Variants in LRRC28 observed in about 807,000 individuals in gnomAD.
LRRC28 encodes leucine rich repeat containing 28.
LRRC28 carries 39 observed loss-of-function variants against 45.7 expected under a neutral mutation model. The ratio of observed to expected loss-of-function variants is 0.85; its 90% confidence interval spans 0.66 to 1.12. The LOEUF (loss-of-function observed/expected upper bound fraction) is 1.12. LRRC28 is among the 50% of genes most tolerant of loss of function. The pLI is 0.00. For missense variants in LRRC28, 435 were observed against 438.5 expected, an observed-to-expected ratio of 0.99 and a Z score of 0.07; for synonymous variants, 206 against 178.8, an observed-to-expected ratio of 1.15 and a Z score of -1.22.
chr15:99,261,664 AT>A lies in LRRC28; in HGVS notation c.168+5550del, dbSNP rs570678627. Among the ~76,000 whole-genome samples, 224 of 147,080 alleles carry A rather than the reference AT, an allele frequency of 1.5e-3. 4 individuals carry two copies. Among genetic ancestry groups the A allele is most frequent in the African/African-American group, 4.7e-3 (188 of 40,162 alleles). ...AATTTTAATCTTAATTTTAATTTTA[AT>A]TTTTTTTTTTAGATGGAGTTTCACT... On this transcript the variant is annotated intron_variant, in intron 2 of 9. Coordinates refer to ENST00000301981, the MANE Select transcript of LRRC28 (RefSeq NM_144598.5).
chr15:99,260,642 C>A (rs6598230), intron 2 of LRRC28, among the ~76,000 whole-genome samples: 96,478 of 152,022 alleles, frequency 0.63, 30,659 homozygotes, highest in Middle Eastern at 0.76. Flanking sequence ...CAGTTTTTGA[C>A]AACAGGTAAA....
chr15:99,386,175 A>G lies in LRRC28; in HGVS notation c.*73A>G, dbSNP rs1400384711. 2.5e-6 allele frequency: 3 copies of G among 1,210,278 alleles called. No homozygotes were observed. In the East Asian group the frequency reaches 7.0e-5, roughly 28 times the overall value. The allele number at this position is 1,210,278 out of a possible 1,614,324, so 75.0% of individuals were successfully genotyped here. On this transcript the variant is annotated 3_prime_UTR_variant, in exon 10 of 10. Transcript: ENST00000301981. ...TCCAGCCAGTCCAGCACACTCTTCC[A>G]TCCTGTCCTGTCCAATGCGGGGGCA...
intron 5 of LRRC28, among the ~76,000 whole-genome samples, chr15:99,319,782 A>G (rs1597336604): frequency 6.6e-6 from 1 of 151,936 alleles, no homozygotes; most frequent in East Asian, 1.9e-4. Flanking sequence ...CTCAGATGTC[A>G]TATGTTTGGG....
At chr15:99,296,612 C>G (rs1006171445) in intron 5 of LRRC28, among the ~76,000 whole-genome samples, 23 of 152,272 alleles carry the variant, frequency 1.5e-4, no homozygotes, top group Non-Finnish European at 2.8e-4. Flanking sequence ...TATGTGTGGT[C>G]AGCAATATAC....
intron 2 of LRRC28, among the ~76,000 whole-genome samples, chr15:99,263,318 CAAA>C (rs34133374): frequency 1.1e-4 from 8 of 70,512 alleles, no homozygotes; most frequent in South Asian, 5.3e-4. Flanking sequence ...GACCCTGTCT[CAAA>C]AAAAAAAAAA....
intron 2 of LRRC28, among the ~76,000 whole-genome samples, chr15:99,275,812 A>G (rs979625325): frequency 6.6e-6 from 1 of 152,014 alleles, no homozygotes; most frequent in Non-Finnish European, 1.5e-5. Flanking sequence ...TATTTCTTCC[A>G]TGACCATGGA....
At chr15:99,334,738 A>C (rs1956270117) in intron 6 of LRRC28, among the ~76,000 whole-genome samples, 1 of 152,220 alleles carries the variant, frequency 6.6e-6, no homozygotes, top group Non-Finnish European at 1.5e-5. Context: ...TTTTATAGAT[A>C]GCTGAATAAT....
At chr15:99,380,243 T>G (rs1158189978) in intron 9 of LRRC28, among the ~76,000 whole-genome samples, 2 of 152,244 alleles carry the variant, frequency 1.3e-5, no homozygotes, top group Admixed American at 1.3e-4. Context: ...CATATATATT[T>G]AGGATAGTTA....
chr15:99,272,727 T>A (rs2081514595), intron 2 of LRRC28, among the ~76,000 whole-genome samples: 1 of 152,216 alleles, frequency 6.6e-6, no homozygotes. Context: ...ATGAAGAGAA[T>A]CCTTGGCTTG....
chr15:99,376,878 C>A (rs964629464), intron 9 of LRRC28, among the ~76,000 whole-genome samples: 3 of 152,182 alleles, frequency 2.0e-5, no homozygotes, highest in Non-Finnish European at 4.4e-5. Context: ...ATGAACTCAT[C>A]CTTTTTTATG....
chr15:99,306,556 A>T (rs1955188640), intron 5 of LRRC28, among the ~76,000 whole-genome samples: 1 of 152,248 alleles, frequency 6.6e-6, no homozygotes. Context: ...TAAGTAATGT[A>T]TGAAAATTAT....
At chr15:99,294,861 T>A (rs28687666) in intron 5 of LRRC28, among the ~76,000 whole-genome samples, 3,550 of 152,308 alleles carry the variant, frequency 0.023, 129 homozygotes, top group African/African-American at 0.081. Context: ...GTCCTGCATC[T>A]TTCAGGTGCT....
chr15:99,325,879 A>T (rs1204136198), intron 5 of LRRC28, among the ~76,000 whole-genome samples: 2 of 152,160 alleles, frequency 1.3e-5, no homozygotes, highest in Non-Finnish European at 2.9e-5. Context: ...GCAGGGAAGG[A>T]CCGCCATCTG....
intron 1 of LRRC28, among the ~76,000 whole-genome samples, chr15:99,255,384 A>T (rs2080986260): frequency 6.6e-6 from 1 of 152,074 alleles, no homozygotes; most frequent in Admixed American, 6.6e-5. Context: ...AAAGAAAAGA[A>T]TAAAGAGATA....
At chr15:99,367,998 T>A (rs1254499117) in intron 9 of LRRC28, among the ~76,000 whole-genome samples, 1 of 152,142 alleles carries the variant, frequency 6.6e-6, no homozygotes, top group Non-Finnish European at 1.5e-5. Flanking sequence ...GTTGTCTCAT[T>A]AGCATATGAA....
At chr15:99,383,745 C>T (rs971461462) in intron 9 of LRRC28, among the ~76,000 whole-genome samples, 1 of 152,154 alleles carries the variant, frequency 6.6e-6, no homozygotes, top group Non-Finnish European at 1.5e-5. Context: ...AAAAAGACTT[C>T]TTGGCCCTCC....
intron 7 of LRRC28, among the ~76,000 whole-genome samples, chr15:99,359,245 AGAG>A (rs771815871): frequency 1.3e-5 from 2 of 152,234 alleles, no homozygotes; most frequent in Non-Finnish European, 2.9e-5. Context: ...ATGCTGACAA[AGAG>A]AACCATATGC....
At chr15:99,274,669 A>G (rs997835645) in intron 2 of LRRC28, among the ~76,000 whole-genome samples, 2 of 152,238 alleles carry the variant, frequency 1.3e-5, no homozygotes, top group Non-Finnish European at 2.9e-5. Flanking sequence ...AAAATAGTCA[A>G]CTTTCTAGTA....
chr15:99,324,692 CTA>C, intron 5 of LRRC28, among the ~76,000 whole-genome samples: 1 of 152,148 alleles, frequency 6.6e-6, no homozygotes, highest in Admixed American at 6.6e-5. Context: ...TCAGAATACT[CTA>C]TAAGTAGCTG....
Sources: gnomAD v4.1 joint callset for allele counts (sites outside exome capture counted in the v4.1 genomes callset) on GRCh38, gnomAD v4.1.1 for gene constraint, MANE v1.5 for transcripts, NCBI Gene and HGNC (gene_info 2026-07-23, HGNC 2026-07-21) for gene names.